MGLL: variants seen among roughly 807,000 people sequenced by gnomAD.
MGLL encodes the protein monoglyceride lipase, also known as lysophospholipase homolog.
In MGLL, 7 loss-of-function variants were observed where a neutral mutation model predicts 29.1. That is an observed-to-expected ratio of 0.24 (90% CI 0.14 to 0.45). The LOEUF (loss-of-function observed/expected upper bound fraction) is 0.45, where lower values mean the gene tolerates loss of function less well. MGLL is among the 20% of genes least tolerant of loss of function. The pLI is 0.99. For missense variants in MGLL, 356 were observed against 413.6 expected, an observed-to-expected ratio of 0.86 and a Z score of 1.21; for synonymous variants, 148 against 168.3, an observed-to-expected ratio of 0.88 and a Z score of 0.93.
At chr3:127,757,727 C>A (rs2076688408) in intron 3 of MGLL, among the ~76,000 whole-genome samples, 1 of 152,150 alleles carries the variant, frequency 6.6e-6, no homozygotes, top group African/African-American at 2.4e-5. Flanking sequence ...AGCTGGGGGA[C>A]CTGCCTCCGA....
intron 3 of MGLL, among the ~76,000 whole-genome samples, chr3:127,733,687 T>A (rs528705108): frequency 1.3e-5 from 2 of 152,236 alleles, no homozygotes; most frequent in South Asian, 4.1e-4. Flanking sequence ...TTGCATTTTT[T>A]AAAAAATGGC....
At chr3:127,753,541 C>T (rs1051206384) in intron 3 of MGLL, among the ~76,000 whole-genome samples, 4 of 152,242 alleles carry the variant, frequency 2.6e-5, no homozygotes, top group Admixed American at 6.5e-5. Flanking sequence ...CAACATATGT[C>T]AACTGACGTG....
At chr3:127,744,094 T>C (rs1212471338) in intron 3 of MGLL, among the ~76,000 whole-genome samples, 1 of 152,206 alleles carries the variant, frequency 6.6e-6, no homozygotes, top group Non-Finnish European at 1.5e-5. Flanking sequence ...ATTCAGCATA[T>C]GGGCTCTGGA....
chr3:127,775,840 C>A (rs911397433), intron 3 of MGLL, among the ~76,000 whole-genome samples: 7 of 152,216 alleles, frequency 4.6e-5, no homozygotes, highest in African/African-American at 1.2e-4. Context: ...CAGATTCCCA[C>A]CGTCTCTCGC....
rs372335824 is a variant in MGLL at position 127,797,206 on chromosome 3, C to T, written c.156-15311G>A. Among the ~76,000 whole-genome samples the T allele has an allele frequency of 1.9e-3, 289 of 152,260 alleles. 15 individuals are homozygous for T. In the South Asian group the frequency reaches 0.057, roughly 30 times the overall value. On this transcript the variant is annotated intron_variant, in intron 2 of 7. Transcript: ENST00000265052. ...CGTCTCTCCAGTTGTCTTTCACCATCCCTCTGCAGAGGGTGTATCCCAGGA... is the reference window on the plus strand; with the variant it reads ...CGTCTCTCCAGTTGTCTTTCACCATTCCTCTGCAGAGGGTGTATCCCAGGA...
intron 3 of MGLL, among the ~76,000 whole-genome samples, chr3:127,771,602 C>T (rs573282734): frequency 5.0e-4 from 76 of 152,246 alleles, no homozygotes; most frequent in African/African-American, 1.8e-3. Flanking sequence ...GCAGTCCTTC[C>T]CCCTCAGCCT....
At chr3:127,742,194 T>G (rs1414892495) in intron 3 of MGLL, among the ~76,000 whole-genome samples, 1 of 152,204 alleles carries the variant, frequency 6.6e-6, no homozygotes, top group Non-Finnish European at 1.5e-5. Flanking sequence ...TGCCACATCC[T>G]TGTCAGCACG....
intron 3 of MGLL, among the ~76,000 whole-genome samples, chr3:127,771,788 T>C (rs2076952679): frequency 6.6e-6 from 1 of 152,202 alleles, no homozygotes; most frequent in African/African-American, 2.4e-5. Context: ...TTGAAAATTA[T>C]AAAGAGAAGC....
At chr3:127,728,003 T>C (rs1324275511) in intron 3 of MGLL, among the ~76,000 whole-genome samples, 5 of 152,258 alleles carry the variant, frequency 3.3e-5, no homozygotes, top group Non-Finnish European at 5.9e-5. Flanking sequence ...AAACAGGTTA[T>C]AATTATTTTC....
At chr3:127,715,415 A>G (rs545468302) in intron 5 of MGLL, 1 of 323,810 alleles carries the variant, frequency 3.1e-6, no homozygotes, top group Non-Finnish European at 6.1e-6. Context: ...AAATATTTTA[A>G]TGATAACTTC....
At chr3:127,763,796 G>A (rs192517344) in intron 3 of MGLL, among the ~76,000 whole-genome samples, 36 of 152,140 alleles carry the variant, frequency 2.4e-4, no homozygotes, top group Non-Finnish European at 4.3e-4. Flanking sequence ...GAACCCCTGT[G>A]TGGGGGAGGG....
chr3:127,700,522 C>G (rs1195378677), intron 6 of MGLL, among the ~76,000 whole-genome samples: 1 of 152,210 alleles, frequency 6.6e-6, no homozygotes, highest in African/African-American at 2.4e-5. Flanking sequence ...CATGTCTGCC[C>G]CACGTGAGGG....
At chr3:127,804,914 T>G (rs1413647901) in intron 2 of MGLL, among the ~76,000 whole-genome samples, 1 of 152,116 alleles carries the variant, frequency 6.6e-6, no homozygotes, top group East Asian at 1.9e-4. Flanking sequence ...CTGGGAACAA[T>G]GCAGTGGGAG....
intron 2 of MGLL, among the ~76,000 whole-genome samples, chr3:127,794,197 C>G (rs1415893328): frequency 6.6e-6 from 1 of 152,152 alleles, no homozygotes; most frequent in Non-Finnish European, 1.5e-5. Flanking sequence ...ATACTCCCAG[C>G]TACTTAGGAG....
intron 2 of MGLL, among the ~76,000 whole-genome samples, chr3:127,817,848 A>G (rs1184336593): frequency 3.9e-5 from 6 of 152,262 alleles, no homozygotes; most frequent in Non-Finnish European, 8.8e-5. Context: ...GGCACAAGAG[A>G]AACTGTGACT....
At chr3:127,782,645 A>G (rs1163167860) in intron 2 of MGLL, among the ~76,000 whole-genome samples, 1 of 152,168 alleles carries the variant, frequency 6.6e-6, no homozygotes, top group African/African-American at 2.4e-5. Flanking sequence ...TTCAAGACCT[A>G]TATTCTTAGC....
intron 3 of MGLL, among the ~76,000 whole-genome samples, chr3:127,726,185 A>AAAG (rs61500053): frequency 0.32 from 21,124 of 65,546 alleles, 2,755 homozygotes; most frequent in Middle Eastern, 0.41. Context: ...AGAAAGAAAG[A>AAAG]AAAGAAAAGA....
intron 6 of MGLL, among the ~76,000 whole-genome samples, chr3:127,698,634 G>A (rs2075419304): frequency 6.6e-6 from 1 of 152,210 alleles, no homozygotes; most frequent in Admixed American, 6.5e-5. Flanking sequence ...GCAACATGAG[G>A]GGTCCTTGTG....
chr3:127,807,284 C>T (rs1260348151), intron 2 of MGLL, among the ~76,000 whole-genome samples: 1 of 151,984 alleles, frequency 6.6e-6, no homozygotes, highest in East Asian at 1.9e-4. Flanking sequence ...TTCTTTATAA[C>T]CCTTTTTATT....
Sources: allele counts gnomAD v4.1 joint callset (sites outside exome capture counted in the v4.1 genomes callset), GRCh38; gene constraint gnomAD v4.1.1; transcripts MANE v1.5; gene names NCBI Gene and HGNC (gene_info 2026-07-23, HGNC 2026-07-21).